NSD3: variants seen among roughly 807,000 people sequenced by gnomAD.
NSD3 encodes histone-lysine N-methyltransferase NSD3.
A neutral mutation model predicts 160.8 loss-of-function variants in NSD3; 24 were observed. That is an observed-to-expected ratio of 0.15 (90% confidence interval 0.11 to 0.21). NSD3 has a LOEUF of 0.21. Among genes scored for constraint, NSD3 ranks in the 10% least tolerant of loss-of-function variants. The pLI is 1.00. For synonymous variants in NSD3, 520 were observed against 600.0 expected (o/e 0.87, Z 1.95); for missense variants, 1,157 against 1,735.9 (o/e 0.67, Z 5.93).
intron 2 of NSD3, among the ~76,000 whole-genome samples, chr8:38,339,368 T>C (rs545537703): frequency 6.6e-6 from 1 of 152,156 alleles, no homozygotes; most frequent in South Asian, 2.1e-4. Flanking sequence ...CTGAGAGATG[T>C]AAAAAATATG....
intron 1 of NSD3, among the ~76,000 whole-genome samples, chr8:38,359,076 C>T (rs1810894131): frequency 6.6e-6 from 1 of 152,178 alleles, no homozygotes; most frequent in East Asian, 1.9e-4. Flanking sequence ...GTTCTGTGTT[C>T]TACTAATATT....
chr8:38,283,967 G>A (rs1344523094), intron 19 of NSD3, among the ~76,000 whole-genome samples: 3 of 152,150 alleles, frequency 2.0e-5, no homozygotes, highest in Non-Finnish European at 2.9e-5. Flanking sequence ...GCCAGGTGTG[G>A]TGGTGCATGG....
At chr8:38,304,804 A>T (rs1809357360) in intron 13 of NSD3, 47 bp from the exon 14 acceptor site, 1 of 1,538,402 alleles carries the variant, frequency 6.5e-7, no homozygotes, top group Non-Finnish European at 8.7e-7. Flanking sequence ...CATCAGCGGG[A>T]CATAAAAATA....
At chr8:38,302,034 C>T (rs148532943) in intron 14 of NSD3, among the ~76,000 whole-genome samples, 1 of 152,292 alleles carries the variant, frequency 6.6e-6, no homozygotes, top group Non-Finnish European at 1.5e-5. Flanking sequence ...TGTGACTCCA[C>T]GATTAGGTGG....
rs1808732885 is a variant in NSD3 at position 38,281,525 on chromosome 8, C to T, written c.3560G>A (p.Arg1187Gln). ...ELIDEEECRL[R>Q]IKRAHENSVT... ...ACTGTTCTCGTGGGCTCGCTTGATTCGCAATCTGCATTCTTCTTCATCAAT... is the reference window on the plus strand; with the variant it reads ...ACTGTTCTCGTGGGCTCGCTTGATTTGCAATCTGCATTCTTCTTCATCAAT... The change falls in exon 20 of 24, where the codon CGA becomes CAA. Residue 1187 changes from arginine to glutamine, a missense_variant. Physicochemically the swap from Arg to Gln is conservative, Grantham distance 43. Around this residue, in one of 10 missense-constraint regions of NSD3, gnomAD observed 222 missense variants for 409.9 expected, o/e 0.54. Transcript: ENST00000317025. The T allele has an allele frequency of 1.9e-6, 3 of 1,605,684 alleles. No individual in the cohort carries two copies. The highest frequency in any genetic ancestry group is 2.6e-6 in the Non-Finnish European group (3 of 1,175,732).
At chr8:38,276,262 A>G in intron 23 of NSD3, 34 bp downstream of exon 23, 2 of 1,607,184 alleles carry the variant, frequency 1.2e-6, no homozygotes, top group Non-Finnish European at 1.7e-6. Flanking sequence ...GCAAAGACAC[A>G]AATTAGGGAA....
chr8:38,366,800 A>T (rs1811117516), intron 1 of NSD3, among the ~76,000 whole-genome samples: 1 of 152,196 alleles, frequency 6.6e-6, no homozygotes, highest in Admixed American at 6.5e-5. Context: ...AGTTAAAATT[A>T]AATTACATTA....
At position 38,329,393 on chromosome 8, in the gene NSD3, A is replaced by C. The variant is rs753446831; in HGVS notation, c.1566T>G (p.Phe522Leu). 4 of 1,609,076 alleles carry C rather than the reference A, an allele frequency of 2.5e-6. No individual in the cohort carries two copies. The highest frequency in any genetic ancestry group is 3.4e-6 in the Non-Finnish European group (4 of 1,176,060). ...AAGGAGGTACCTTTGTTGAATAAAC[A>C]AATTGATCGATAAATTTCCCATCCC... ...ATGDGKFIDQFVYSTKGIGNK... is the reference protein window; with the variant it reads ...ATGDGKFIDQLVYSTKGIGNK... The change falls in exon 6 of 24, where the codon TTT (phenylalanine) becomes TTG (leucine). Residue 522 changes from phenylalanine to leucine, a missense_variant. Physicochemically the swap from Phe to Leu is conservative, Grantham distance 22. Around this residue, in one of 10 missense-constraint regions of NSD3, gnomAD observed 102 missense variants for 126.5 expected, o/e 0.81. Transcript: ENST00000317025. The surrounding 1 kb of genome is among the most constrained non-coding windows in gnomAD (Gnocchi z 4.8).
At chr8:38,281,430 A>T (rs771907764) in intron 20 of NSD3, 37 bp downstream of exon 20, 2 of 1,150,090 alleles carry the variant, frequency 1.7e-6, no homozygotes, top group Admixed American at 2.8e-5. Context: ...AACAAAAACA[A>T]ATCCCTTTTT....
intron 16 of NSD3, among the ~76,000 whole-genome samples, chr8:38,292,640 T>C (rs1809025021): frequency 6.6e-6 from 1 of 151,724 alleles, no homozygotes; most frequent in Admixed American, 6.6e-5. Context: ...ATACAAAAAA[T>C]TAGCCAGGTG....
At chr8:38,365,316 G>T (rs1017606833) in intron 1 of NSD3, among the ~76,000 whole-genome samples, 1 of 152,080 alleles carries the variant, frequency 6.6e-6, no homozygotes, top group African/African-American at 2.4e-5. Flanking sequence ...CTGTGATGTG[G>T]TTCACTACTG....
intron 1 of NSD3, among the ~76,000 whole-genome samples, chr8:38,362,150 A>G (rs778855481): frequency 6.6e-6 from 1 of 151,434 alleles, no homozygotes; most frequent in Admixed American, 6.6e-5. Context: ...TGAAAGTTAC[A>G]GGACATGAAA....
intron 1 of NSD3, among the ~76,000 whole-genome samples, chr8:38,349,099 T>A (rs1810605424): frequency 1.3e-5 from 2 of 152,238 alleles, no homozygotes; most frequent in African/African-American, 4.8e-5. Context: ...TACATATAAA[T>A]TTTTAAAATA....
chr8:38,311,031 T>C (rs1382856739), intron 12 of NSD3, among the ~76,000 whole-genome samples: 1 of 151,666 alleles, frequency 6.6e-6, no homozygotes, highest in Non-Finnish European at 1.5e-5. Context: ...CTAATGGGTA[T>C]CAAGTGGCAT....
intron 21 of NSD3, 67 bp downstream of exon 21, chr8:38,279,473 G>A: frequency 6.4e-7 from 1 of 1,561,032 alleles, no homozygotes; most frequent in South Asian, 1.2e-5. Context: ...GAAGAACCAT[G>A]TCCTAGCTCT....
chr8:38,285,681 A>G (rs529739322), intron 19 of NSD3, among the ~76,000 whole-genome samples: 3 of 152,348 alleles, frequency 2.0e-5, no homozygotes, highest in Admixed American at 6.5e-5. Context: ...ATAGGCAAAA[A>G]TTTGTATATA....
At chr8:38,339,261 C>T (rs1057205198) in intron 2 of NSD3, among the ~76,000 whole-genome samples, 10 of 151,846 alleles carry the variant, frequency 6.6e-5, no homozygotes, top group African/African-American at 2.4e-4. Context: ...TAACTTGAAA[C>T]TTTTCTGAGA....
intron 14 of NSD3, among the ~76,000 whole-genome samples, chr8:38,301,489 A>G (rs1452588910): frequency 5.9e-5 from 9 of 152,214 alleles, no homozygotes; most frequent in Non-Finnish European, 1.0e-4. Context: ...CTGAGGCAGG[A>G]GAATCGCTTG....
At chr8:38,361,720 G>C (rs13252742) in intron 1 of NSD3, among the ~76,000 whole-genome samples, 1 of 146,986 alleles carries the variant, frequency 6.8e-6, no homozygotes, top group Non-Finnish European at 1.5e-5. Context: ...GCGCCACTGC[G>C]CTCCAGCCTG....
Sources: gnomAD v4.1 joint callset for allele counts (sites outside exome capture counted in the v4.1 genomes callset) on GRCh38, gnomAD v4.1.1 for gene constraint, gnomAD v4.1.1 regional missense constraint, Gnocchi (gnomAD v3.1) non-coding constraint, MANE v1.5 for transcripts, NCBI Gene and HGNC (gene_info 2026-07-23, HGNC 2026-07-21) for gene names.